The following SPATS2L variants were observed in gnomAD, a reference collection of about 807,000 sequenced individuals.
SPATS2L encodes the protein spermatogenesis associated serine rich 2 like, also known as SPATS2-like protein.
A neutral mutation model predicts 59.6 loss-of-function variants in SPATS2L; 30 were observed. The observed-to-expected ratio is 0.50, with a 90% CI of 0.38 to 0.68. SPATS2L has a LOEUF of 0.68. Ranked by LOEUF, SPATS2L falls within the 30% of genes least tolerant of loss-of-function variation. The pLI is 0.00. For synonymous variants in SPATS2L, 252 were observed against 263.5 expected (o/e 0.96, Z 0.42); for missense variants, 615 against 700.0 (o/e 0.88, Z 1.37).
chr2:200,376,531 A>G (rs1479885169), intron 2 of SPATS2L, among the ~76,000 whole-genome samples: 2 of 152,216 alleles, frequency 1.3e-5, no homozygotes, highest in African/African-American at 4.8e-5. Flanking sequence ...CTTTATTTGA[A>G]CTTTGCTCTT....
At chr2:200,426,799 G>T (rs1460519624) in intron 6 of SPATS2L, among the ~76,000 whole-genome samples, 1 of 152,122 alleles carries the variant, frequency 6.6e-6, no homozygotes, top group Non-Finnish European at 1.5e-5. Context: ...TTAAATACTT[G>T]GTATTAATTC....
At chr2:200,396,134 G>A (rs771761096) in intron 3 of SPATS2L, among the ~76,000 whole-genome samples, 9 of 138,542 alleles carry the variant, frequency 6.5e-5, no homozygotes, top group Non-Finnish European at 1.2e-4. Flanking sequence ...ACATAAAAGC[G>A]AACTTGACTT....
chr2:200,366,536 CA>C (rs1377374154), intron 2 of SPATS2L, among the ~76,000 whole-genome samples: 1 of 151,954 alleles, frequency 6.6e-6, no homozygotes, highest in Non-Finnish European at 1.5e-5. Flanking sequence ...ACAGCAGTAT[CA>C]AATAAGAAAA....
chr2:200,310,962 T>G (rs1029458414), intron 1 of SPATS2L, among the ~76,000 whole-genome samples: 2 of 152,390 alleles, frequency 1.3e-5, no homozygotes, highest in African/African-American at 4.8e-5. Flanking sequence ...TCACATCCTT[T>G]CTTACGCTGT....
chr2:200,322,018 T>G (rs532556158), intron 1 of SPATS2L, among the ~76,000 whole-genome samples: 2 of 152,332 alleles, frequency 1.3e-5, no homozygotes, highest in East Asian at 3.9e-4. Context: ...GCTTGCAGAA[T>G]GAATAGTTAG....
At chr2:200,306,528 A>C, upstream of SPATS2L, 1 of 1,002,250 alleles carries the variant, frequency 1.0e-6, no homozygotes, top group Non-Finnish European at 1.2e-6. Context: ...GCGGATACAA[A>C]ACCCGAGAGA....
At chr2:200,379,143 A>C (rs2081708400) in intron 2 of SPATS2L, among the ~76,000 whole-genome samples, 1 of 152,118 alleles carries the variant, frequency 6.6e-6, no homozygotes. Context: ...GTTTTTGTGT[A>C]CATATCTGTC....
intron 2 of SPATS2L, among the ~76,000 whole-genome samples, chr2:200,383,398 A>G (rs527579506): frequency 1.3e-5 from 2 of 152,350 alleles, no homozygotes; most frequent in African/African-American, 2.4e-5. Flanking sequence ...GACAGCTTAT[A>G]TTCCTTTTTT....
chr2:200,389,886 G>A (rs1272379194), intron 3 of SPATS2L: 2 of 152,336 alleles, frequency 1.3e-5, no homozygotes, highest in Admixed American at 1.3e-4. Flanking sequence ...TCCACTGAGG[G>A]TCAGAATCCC....
chr2:200,389,140 T>G (rs1290408304), intron 2 of SPATS2L, 83 bp from the exon 3 acceptor site: 3 of 802,112 alleles, frequency 3.7e-6, no homozygotes, highest in Non-Finnish European at 6.1e-6. Flanking sequence ...CGAATGAAGT[T>G]GTTTACTGTG....
chr2:200,363,046 G>A (rs1222928721), intron 2 of SPATS2L, among the ~76,000 whole-genome samples: 3 of 152,086 alleles, frequency 2.0e-5, no homozygotes, highest in East Asian at 3.9e-4. Flanking sequence ...TTTAGGCCAC[G>A]GAAGCCGTAC....
chr2:200,466,667 T>C (rs1391882852), intron 9 of SPATS2L, among the ~76,000 whole-genome samples: 4 of 152,230 alleles, frequency 2.6e-5, no homozygotes, highest in Non-Finnish European at 5.9e-5. Context: ...CTGGGGACAC[T>C]TATAGAAAGA....
At chr2:200,406,523 G>A (rs1231606732) in intron 3 of SPATS2L, among the ~76,000 whole-genome samples, 1 of 152,090 alleles carries the variant, frequency 6.6e-6, no homozygotes, top group Non-Finnish European at 1.5e-5. Flanking sequence ...TGCAAGTCCA[G>A]CCTCTCTTCA....
chr2:200,351,663 A>C (rs1353613929), intron 2 of SPATS2L, among the ~76,000 whole-genome samples: 1 of 152,160 alleles, frequency 6.6e-6, no homozygotes, highest in Non-Finnish European at 1.5e-5. Flanking sequence ...GGGGCATAAA[A>C]ATTTTTTTAT....
At chr2:200,400,859 A>T (rs2082503476) in intron 3 of SPATS2L, among the ~76,000 whole-genome samples, 1 of 152,228 alleles carries the variant, frequency 6.6e-6, no homozygotes, top group South Asian at 2.1e-4. Flanking sequence ...AGTATAGACG[A>T]AGAATTGGTA....
rs1163672873 is a variant in SPATS2L at position 200,481,232 on chromosome 2, T to A, written c.*3201T>A. The A allele has an allele frequency of 1.3e-5, 2 of 152,262 alleles. No homozygotes were observed. The highest frequency in any genetic ancestry group is 2.9e-5 in the Non-Finnish European group (2 of 68,048). 9.4% of individuals were successfully genotyped at this position (152,262 alleles called of 1,614,324 possible). On this transcript the variant is annotated 3_prime_UTR_variant, in exon 13 of 13. Coordinates refer to ENST00000409140, the MANE Select transcript of SPATS2L (RefSeq NM_001100423.2). ...ATTTAAAGCTCAGTTCACAAGCAGTTCAATTCTGCTGGCATCAGAAAAGGA... is the reference window on the plus strand; with the variant it reads ...ATTTAAAGCTCAGTTCACAAGCAGTACAATTCTGCTGGCATCAGAAAAGGA...
At chr2:200,469,538 A>G (rs1021320538) in intron 10 of SPATS2L, among the ~76,000 whole-genome samples, 1 of 151,924 alleles carries the variant, frequency 6.6e-6, no homozygotes, top group Non-Finnish European at 1.5e-5. Context: ...GAAGGACGAC[A>G]TGTTTTCTCT....
At chr2:200,321,880 G>A (rs1431696232) in intron 1 of SPATS2L, among the ~76,000 whole-genome samples, 1 of 152,222 alleles carries the variant, frequency 6.6e-6, no homozygotes, top group African/African-American at 2.4e-5. Context: ...AGCTCTGAGG[G>A]GAGATAAGTC....
chr2:200,462,913 G>T (rs1229806658), intron 9 of SPATS2L, among the ~76,000 whole-genome samples: 1 of 151,704 alleles, frequency 6.6e-6, no homozygotes, highest in African/African-American at 2.4e-5. Context: ...ATAACGGAGA[G>T]AGACCCTGTA....
Sources: allele counts gnomAD v4.1 joint callset (sites outside exome capture counted in the v4.1 genomes callset), GRCh38; gene constraint gnomAD v4.1.1; transcripts MANE v1.5; gene names NCBI Gene and HGNC (gene_info 2026-07-23, HGNC 2026-07-21).